The following TRAPPC9 variants were observed in gnomAD, a reference collection of about 807,000 sequenced individuals.
The protein encoded by TRAPPC9 is trafficking protein particle complex subunit 9.
TRAPPC9 carries 83 observed loss-of-function variants against 124.0 expected under a neutral mutation model. That is an observed-to-expected ratio of 0.67 (90% confidence interval 0.56 to 0.80). The LOEUF is 0.80. Ranked by LOEUF, TRAPPC9 falls within the 30% of genes least tolerant of loss-of-function variation. The pLI, the probability that TRAPPC9 is intolerant of heterozygous loss-of-function variation, is 0.00. For missense variants in TRAPPC9, 1,302 were observed against 1,508.3 expected, an observed-to-expected ratio of 0.86 and a Z score of 2.27; for synonymous variants, 638 against 617.5, an observed-to-expected ratio of 1.03 and a Z score of -0.49.
At chr8:140,082,209 T>A (rs1843868652) in intron 17 of TRAPPC9, 1 of 152,000 alleles carries the variant, frequency 6.6e-6, no homozygotes, top group South Asian at 2.1e-4. Context: ...AACAGCCACA[T>A]AAAAGCTACA....
At chr8:140,227,226 G>A (rs998320319) in intron 16 of TRAPPC9, among the ~76,000 whole-genome samples, 1 of 152,086 alleles carries the variant, frequency 6.6e-6, no homozygotes. Context: ...GGCGCGCCTG[G>A]GAAGGATCTC....
intron 9 of TRAPPC9, among the ~76,000 whole-genome samples, chr8:140,316,420 G>T (rs906829773): frequency 6.6e-6 from 1 of 152,168 alleles, no homozygotes; most frequent in Non-Finnish European, 1.5e-5. Flanking sequence ...GAAACTATTT[G>T]TGAGTATTCT....
intron 17 of TRAPPC9, among the ~76,000 whole-genome samples, chr8:140,201,433 T>C (rs769863930): frequency 2.0e-5 from 3 of 152,236 alleles, no homozygotes; most frequent in African/African-American, 7.2e-5. Flanking sequence ...TTCTGGATTT[T>C]TCCAAGGATA....
intron 17 of TRAPPC9, among the ~76,000 whole-genome samples, chr8:140,101,770 T>C (rs996991880): frequency 1.3e-5 from 2 of 152,034 alleles, no homozygotes; most frequent in Admixed American, 1.3e-4. Flanking sequence ...CTCAAACTCC[T>C]GACCTCGGGT....
intron 17 of TRAPPC9, among the ~76,000 whole-genome samples, chr8:140,140,908 TC>T (rs1460321889): frequency 6.6e-6 from 1 of 152,208 alleles, no homozygotes; most frequent in African/African-American, 2.4e-5. Flanking sequence ...CAGTCACTTC[TC>T]TACTACTTTC....
chr8:140,254,629 C>A (rs1163405820), intron 15 of TRAPPC9, among the ~76,000 whole-genome samples: 1 of 152,218 alleles, frequency 6.6e-6, no homozygotes, highest in Non-Finnish European at 1.5e-5. Flanking sequence ...AGCTTCCAGG[C>A]TCTGCAAAGG....
chr8:139,948,011 C>T (rs1307474406), intron 19 of TRAPPC9, among the ~76,000 whole-genome samples: 2 of 150,638 alleles, frequency 1.3e-5, no homozygotes, highest in Non-Finnish European at 2.9e-5. Context: ...TTCTTGTCCA[C>T]GTTCTGTCCA....
intron 17 of TRAPPC9, among the ~76,000 whole-genome samples, chr8:140,183,179 C>T (rs1312401716): frequency 1.3e-5 from 2 of 152,200 alleles, no homozygotes; most frequent in African/African-American, 4.8e-5. Flanking sequence ...AGGTACCAGG[C>T]ACTGTGTTGG....
chr8:140,390,304 CTAAA>C (rs890452752), intron 7 of TRAPPC9, among the ~76,000 whole-genome samples: 1 of 152,054 alleles, frequency 6.6e-6, no homozygotes, highest in Admixed American at 6.5e-5. Context: ...GACCCTGTCT[CTAAA>C]TAAATAAATA....
intron 17 of TRAPPC9, among the ~76,000 whole-genome samples, chr8:140,076,779 T>C (rs1435860414): frequency 6.6e-6 from 1 of 152,218 alleles, no homozygotes; most frequent in East Asian, 1.9e-4. Flanking sequence ...GCAACTATCA[T>C]GCGCCAGTTA....
At chr8:140,371,426 C>G (rs868782454) in intron 7 of TRAPPC9, among the ~76,000 whole-genome samples, 1 of 152,194 alleles carries the variant, frequency 6.6e-6, no homozygotes, top group African/African-American at 2.4e-5. Flanking sequence ...TACAAAGGTA[C>G]CTGCTACAAA....
intron 11 of TRAPPC9, among the ~76,000 whole-genome samples, chr8:140,298,153 T>A (rs1408143614): frequency 6.6e-6 from 1 of 152,292 alleles, no homozygotes; most frequent in South Asian, 2.1e-4. Flanking sequence ...ATAAAAGAAA[T>A]GATTACCATT....
chr8:139,991,167 C>T (rs765371259), intron 18 of TRAPPC9, among the ~76,000 whole-genome samples: 3 of 152,130 alleles, frequency 2.0e-5, no homozygotes, highest in Non-Finnish European at 2.9e-5. Context: ...AAAGGGAACT[C>T]GTAAAACATT....
At chr8:140,361,997 T>G (rs192531193) in intron 8 of TRAPPC9, among the ~76,000 whole-genome samples, 89 of 152,340 alleles carry the variant, frequency 5.8e-4, no homozygotes, top group Admixed American at 2.1e-3. Context: ...CAGCCCTTCC[T>G]GAGCTCTTCC....
At chr8:140,242,304 G>A (rs1044440345) in intron 16 of TRAPPC9, among the ~76,000 whole-genome samples, 4 of 152,186 alleles carry the variant, frequency 2.6e-5, no homozygotes, top group African/African-American at 9.7e-5. Flanking sequence ...CTAGGCTCCC[G>A]TGAAGGCTCA....
intron 9 of TRAPPC9, among the ~76,000 whole-genome samples, chr8:140,336,536 A>G (rs2067045417): frequency 6.6e-6 from 1 of 152,164 alleles, no homozygotes; most frequent in Non-Finnish European, 1.5e-5. Context: ...GGTCCATCTC[A>G]CTAAGATCAA....
chr8:139,743,569 G>A (rs970619473), intron 21 of TRAPPC9, among the ~76,000 whole-genome samples: 21 of 152,130 alleles, frequency 1.4e-4, no homozygotes, highest in Admixed American at 3.3e-4. Flanking sequence ...AAATTTTAGA[G>A]CCAAATTTGA....
chr8:140,396,692 C>T (rs1343865601), intron 7 of TRAPPC9, among the ~76,000 whole-genome samples: 2 of 152,008 alleles, frequency 1.3e-5, no homozygotes, highest in Non-Finnish European at 2.9e-5. Context: ...CCTGAATGAC[C>T]TTCTCCCATC....
At chr8:139,880,800 A>C (rs1829632033) in intron 21 of TRAPPC9, among the ~76,000 whole-genome samples, 1 of 152,238 alleles carries the variant, frequency 6.6e-6, no homozygotes, top group South Asian at 2.1e-4. Flanking sequence ...AAACTGTGAC[A>C]CTGCAAACAG....
Sources: allele counts gnomAD v4.1 joint callset (sites outside exome capture counted in the v4.1 genomes callset), GRCh38; gene constraint gnomAD v4.1.1; transcripts MANE v1.5; gene names NCBI Gene and HGNC (gene_info 2026-07-23, HGNC 2026-07-21).